TRAF3IP1: variants seen among roughly 807,000 people sequenced by gnomAD.
The protein encoded by TRAF3IP1 is TRAF3-interacting protein 1.
TRAF3IP1 carries 53 observed loss-of-function variants against 89.9 expected under a neutral mutation model. The observed-to-expected ratio is 0.59, with a 90% CI of 0.47 to 0.74. The LOEUF is 0.74. TRAF3IP1 is among the 30% of genes least tolerant of loss of function. The pLI, the probability that TRAF3IP1 is intolerant of heterozygous loss-of-function variation, is 0.00. For missense variants in TRAF3IP1, 806 were observed against 866.1 expected (o/e 0.93, Z 0.87); for synonymous variants, 311 against 322.1 (o/e 0.97, Z 0.37).
At chr2:238,320,904 G>C (rs995510505) in intron 1 of TRAF3IP1, 119 bp downstream of exon 1, 2 of 910,134 alleles carry the variant, frequency 2.2e-6, no homozygotes, top group African/African-American at 3.6e-5. Context: ...GTGCGGGTCG[G>C]GGGCCGGGGC....
At chr2:238,363,302 C>T (rs1039954359) in intron 15 of TRAF3IP1, among the ~76,000 whole-genome samples, 1 of 152,044 alleles carries the variant, frequency 6.6e-6, no homozygotes, top group African/African-American at 2.4e-5. Context: ...ACATATATTT[C>T]CGATTGCACA....
rs752954955 is a variant in TRAF3IP1, at chr2:238,388,593, C to CTTT, written c.1690-8846_1690-8844dup. ...ATTCCTCTGTTTATGAAGAACACAA[C>CTTT]TTTTTTTTTTTTTTTTTTTTTTGAG... On this transcript the variant is annotated intron_variant, in intron 15 of 16. Transcript: ENST00000373327. Among the ~76,000 whole-genome samples the CTTT allele has an allele frequency of 2.5e-3, 256 of 104,130 alleles. 1 individual carries two copies. The highest frequency in any genetic ancestry group is 3.7e-3 in the Non-Finnish European group (190 of 51,850). The allele number at this position is 104,130 out of a possible 152,430, so 68.3% of individuals were successfully genotyped here.
At chr2:238,322,847 G>A (rs1697626058) in intron 1 of TRAF3IP1, among the ~76,000 whole-genome samples, 1 of 152,026 alleles carries the variant, frequency 6.6e-6, no homozygotes, top group Admixed American at 6.6e-5. Flanking sequence ...CCTGTGTAAA[G>A]ATAAATAAAT....
At position 238,349,385 on chromosome 2, in the gene TRAF3IP1, C is replaced by T; in HGVS notation, c.1428C>T (p.Ser476=). The change falls in exon 12 of 17, where the codon AGC becomes AGT. Residue 476 remains serine (S), a synonymous_variant. Coordinates refer to ENST00000373327, the MANE Select transcript of TRAF3IP1 (RefSeq NM_015650.4). ...PAPPRVKRQD[S]MEALQMDRSG... is the part of the protein sequence containing the mutation. Reference sequence around the variant, plus strand: ...CTCCCCGGGTCAAACGGCAAGACAGCATGGAGGCGCTACAAATGGATAGGT... The same window carrying T: ...CTCCCCGGGTCAAACGGCAAGACAGTATGGAGGCGCTACAAATGGATAGGT... 2 of 1,614,138 alleles carry T rather than the reference C, an allele frequency of 1.2e-6. No homozygotes were observed. Among genetic ancestry groups the T allele is most frequent in the East Asian group, 2.2e-5 (1 of 44,888 alleles).
chr2:238,351,866 TGCGCGCGCGCGC>T lies in TRAF3IP1; in HGVS notation c.1452-959_1452-948del, dbSNP rs964910880. On this transcript the variant is annotated intron_variant, in intron 12 of 16. Coordinates refer to ENST00000373327, the MANE Select transcript of TRAF3IP1 (RefSeq NM_015650.4). The surrounding 1 kb of genome is among the most constrained non-coding windows in gnomAD (Gnocchi z 5.2). ...GTGTGTGTGTGTGTGTGTGTGTGTG[TGCGCGCGCGCGC>T]GTGTGCGTGCATGTGCTTGTGTGTA... 7.8e-6 allele frequency among the ~76,000 whole-genome samples: 1 copy of T among 128,194 alleles called. No homozygotes were observed. The highest frequency in any genetic ancestry group is 3.4e-5 in the African/African-American group (1 of 29,418). 84.1% of individuals were successfully genotyped at this position (128,194 alleles called of 152,430 possible). A position where few individuals can be genotyped will look rare whatever the true frequency, so the allele number is the denominator to read the frequency against.
Position 238,399,042 on chromosome 2 carries a change from C to A in TRAF3IP1, c.*123C>A. On this transcript the variant is annotated 3_prime_UTR_variant, in exon 17 of 17. Coordinates refer to ENST00000373327, the MANE Select transcript of TRAF3IP1 (RefSeq NM_015650.4). The stretch of plus-strand genomic sequence containing the variant: ...ATGAACAGTTTACAATGTTATTATC[C>A]AGCTAATTTTCAGAGCTTTAAAACT... 2.3e-6 allele frequency: 2 copies of A among 884,906 alleles called. No individual in the cohort carries two copies. Among genetic ancestry groups the A allele is most frequent in the Non-Finnish European group, 3.3e-6 (2 of 606,524 alleles). 54.8% of individuals were successfully genotyped at this position (884,906 alleles called of 1,614,324 possible).
intron 1 of TRAF3IP1, among the ~76,000 whole-genome samples, chr2:238,321,589 T>C (rs1461472821): frequency 6.6e-6 from 1 of 152,184 alleles, no homozygotes; most frequent in Non-Finnish European, 1.5e-5. Flanking sequence ...GCTTGCTTAT[T>C]AGCATGGCTC....
chr2:238,349,495 G>A (rs1174146013), intron 12 of TRAF3IP1, 87 bp downstream of exon 12: 12 of 1,340,138 alleles, frequency 9.0e-6, no homozygotes, highest in African/African-American at 8.6e-5. Flanking sequence ...GGGGAGGGAA[G>A]CAGCACATGG....
intron 15 of TRAF3IP1, among the ~76,000 whole-genome samples, chr2:238,366,489 T>C (rs1699881988): frequency 6.6e-6 from 1 of 152,198 alleles, no homozygotes; most frequent in Non-Finnish European, 1.5e-5. Context: ...AACTGTATTA[T>C]AAAAATGTGT....
At chr2:238,326,755 T>C (rs1355534623) in intron 3 of TRAF3IP1, among the ~76,000 whole-genome samples, 1 of 152,130 alleles carries the variant, frequency 6.6e-6, no homozygotes, top group East Asian at 1.9e-4. Flanking sequence ...ACCTTAAATG[T>C]GACCCAAATG....
intron 7 of TRAF3IP1, among the ~76,000 whole-genome samples, chr2:238,337,512 T>G (rs1200830922): frequency 6.6e-6 from 1 of 152,170 alleles, no homozygotes; most frequent in African/African-American, 2.4e-5. Context: ...CGAGGCAAGA[T>G]TTGACTTAGG....
intron 15 of TRAF3IP1, among the ~76,000 whole-genome samples, chr2:238,371,879 G>C (rs1475724489): frequency 6.6e-6 from 1 of 151,852 alleles, no homozygotes; most frequent in Non-Finnish European, 1.5e-5. Context: ...ATTAAATTAC[G>C]TATATGGCTT....
At chr2:238,348,689 T>C in intron 10 of TRAF3IP1, 75 bp from the exon 11 acceptor site, 1 of 1,292,736 alleles carries the variant, frequency 7.7e-7, no homozygotes. Context: ...CAAATACAGA[T>C]GCAAATAGTA....
At chr2:238,321,123 G>T (rs1051639800) in intron 1 of TRAF3IP1, among the ~76,000 whole-genome samples, 1 of 152,184 alleles carries the variant, frequency 6.6e-6, no homozygotes, top group African/African-American at 2.4e-5. Context: ...CCCTCCGTGA[G>T]GAGGTCCTGC....
intron 15 of TRAF3IP1, among the ~76,000 whole-genome samples, chr2:238,378,560 C>T (rs917858172): frequency 1.3e-5 from 2 of 152,142 alleles, no homozygotes; most frequent in African/African-American, 4.8e-5. Flanking sequence ...AATTTGCTGA[C>T]ATTTAAAAAT....
intron 15 of TRAF3IP1, among the ~76,000 whole-genome samples, chr2:238,380,085 G>A (rs180845602): frequency 8.4e-4 from 128 of 152,316 alleles, no homozygotes; most frequent in Middle Eastern, 6.8e-3. Flanking sequence ...TTTGCTTAGA[G>A]GTTCATCTGC....
At chr2:238,341,283 A>G (rs1026868367) in intron 8 of TRAF3IP1, among the ~76,000 whole-genome samples, 1 of 151,952 alleles carries the variant, frequency 6.6e-6, no homozygotes, top group South Asian at 2.1e-4. Flanking sequence ...CAGACTCCCA[A>G]AGTGCTGGGA....
In TRAF3IP1 at chr2:238,351,940, C is replaced by T. The variant is rs929861900; in HGVS notation, c.1452-887C>T. On this transcript the variant is annotated intron_variant, in intron 12 of 16. Coordinates refer to ENST00000373327, the MANE Select transcript of TRAF3IP1 (RefSeq NM_015650.4). The surrounding 1 kb of genome is among the most constrained non-coding windows in gnomAD (Gnocchi z 5.2). ...GTGTGTGTGTGTGTATGCATGTGCA[C>T]GCATGCAGCACTGCGATAACGGGGC... is the stretch of plus-strand genomic sequence containing the variant. Among the ~76,000 whole-genome samples the T allele has an allele frequency of 4.6e-5, 7 of 151,660 alleles. No homozygotes were observed. Among genetic ancestry groups the T allele is most frequent in the Non-Finnish European group, 8.8e-5 (6 of 67,930 alleles).
At chr2:238,344,147 G>A (rs780325808) in intron 8 of TRAF3IP1, among the ~76,000 whole-genome samples, 2 of 152,174 alleles carry the variant, frequency 1.3e-5, no homozygotes, top group Admixed American at 6.5e-5. Flanking sequence ...CCTACTTGCA[G>A]CCTCTCAGCT....
Sources: allele counts gnomAD v4.1 joint callset (sites outside exome capture counted in the v4.1 genomes callset), GRCh38; gene constraint gnomAD v4.1.1; non-coding constraint Gnocchi (gnomAD v3.1); transcripts MANE v1.5; gene names NCBI Gene and HGNC (gene_info 2026-07-23, HGNC 2026-07-21).